The following GALNT1 variants were observed in gnomAD, a reference collection of about 807,000 sequenced individuals.
The protein encoded by GALNT1 is polypeptide N-acetylgalactosaminyltransferase 1, also known as GalNAc transferase 1.
Under a neutral mutation model 65.7 loss-of-function variants are expected in GALNT1, and 17 were observed. The ratio of observed to expected loss-of-function variants is 0.26; its 90% CI spans 0.18 to 0.39. The LOEUF (loss-of-function observed/expected upper bound fraction) is 0.39. Among genes scored for constraint, GALNT1 ranks in the 10% least tolerant of loss-of-function variants. The pLI, the probability that GALNT1 is intolerant of heterozygous loss-of-function variation, is 1.00. For synonymous variants in GALNT1, 210 were observed against 219.7 expected, an observed-to-expected ratio of 0.96 and a Z score of 0.39; for missense variants, 460 against 672.8, an observed-to-expected ratio of 0.68 and a Z score of 3.50.
intron 2 of GALNT1, among the ~76,000 whole-genome samples, chr18:35,657,042 A>G (rs1354729179): frequency 6.6e-6 from 1 of 152,090 alleles, no homozygotes; most frequent in Non-Finnish European, 1.5e-5. Context: ...AGCAGCTTTG[A>G]TGAAAAGGTG....
At chr18:35,648,134 A>AG (rs2047258941) in intron 1 of GALNT1, among the ~76,000 whole-genome samples, 1 of 115,412 alleles carries the variant, frequency 8.7e-6, no homozygotes, top group Admixed American at 1.1e-4. Context: ...GAGGGAAGGA[A>AG]GGAAGGGAGG....
intron 11 of GALNT1, 114 bp downstream of exon 11, chr18:35,703,757 T>C: frequency 3.2e-6 from 3 of 950,422 alleles, no homozygotes; most frequent in Non-Finnish European, 4.5e-6. Flanking sequence ...ATCAAACTTG[T>C]CTTATACACT....
At chr18:35,639,807 CT>C (rs2047138388) in intron 1 of GALNT1, among the ~76,000 whole-genome samples, 1 of 151,638 alleles carries the variant, frequency 6.6e-6, no homozygotes, top group Non-Finnish European at 1.5e-5. Context: ...TTTCTTTTTT[CT>C]TTTGTCAGAC....
intron 7 of GALNT1, among the ~76,000 whole-genome samples, chr18:35,690,759 T>C (rs1413063154): frequency 2.0e-5 from 3 of 152,200 alleles, no homozygotes; most frequent in African/African-American, 7.2e-5. Context: ...AAATTCCAAC[T>C]GTGGAACCCA....
intron 9 of GALNT1, among the ~76,000 whole-genome samples, chr18:35,701,193 T>C (rs2048157199): frequency 6.6e-6 from 1 of 152,118 alleles, no homozygotes; most frequent in African/African-American, 2.4e-5. Flanking sequence ...CACCTCAGCC[T>C]CCCGAATAAC....
chr18:35,693,469 A>G (rs1216721007), intron 9 of GALNT1, among the ~76,000 whole-genome samples: 2 of 152,240 alleles, frequency 1.3e-5, no homozygotes, highest in South Asian at 2.1e-4. Flanking sequence ...AATGGAAGCT[A>G]TCGAAAGATA....
At chr18:35,703,758 C>G in intron 11 of GALNT1, 115 bp downstream of exon 11, 2 of 946,342 alleles carry the variant, frequency 2.1e-6, no homozygotes, top group African/African-American at 1.7e-5. Context: ...TCAAACTTGT[C>G]TTATACACTA....
intron 11 of GALNT1, among the ~76,000 whole-genome samples, chr18:35,705,781 A>G (rs1598814044): frequency 6.6e-6 from 1 of 152,334 alleles, no homozygotes; most frequent in Non-Finnish European, 1.5e-5. Flanking sequence ...TTCTTACATA[A>G]GTCTAGAGGT....
chr18:35,694,094 T>A (rs543715267), intron 9 of GALNT1, among the ~76,000 whole-genome samples: 1 of 152,292 alleles, frequency 6.6e-6, no homozygotes, highest in South Asian at 2.1e-4. Flanking sequence ...GAATTGGTTA[T>A]TGCATTTGGC....
intron 1 of GALNT1, among the ~76,000 whole-genome samples, chr18:35,590,790 A>T (rs2046434203): frequency 1.3e-5 from 2 of 152,170 alleles, no homozygotes; most frequent in African/African-American, 2.4e-5. Flanking sequence ...CAGGGACTGT[A>T]AAAAAAGGTA....
rs1297896615 is a variant in GALNT1, at chr18:35,640,763, G to A, written c.-103-13797G>A. Among the ~76,000 whole-genome samples, 3 of 152,110 alleles carry A rather than the reference G, an allele frequency of 2.0e-5. No individual in the cohort carries two copies. In the East Asian group the frequency reaches 5.8e-4, roughly 29 times the overall value. On this transcript the variant is annotated intron_variant, in intron 1 of 11. Coordinates refer to ENST00000269195, the MANE Select transcript of GALNT1 (RefSeq NM_020474.4). ...AGATAGATCAATAGAAGAGAATATGGAAACCCAGAAACTTGGCTTGTGACA... is the reference window on the plus strand; with the variant it reads ...AGATAGATCAATAGAAGAGAATATGAAAACCCAGAAACTTGGCTTGTGACA...
chr18:35,671,680 T>TA (rs1411923248), intron 3 of GALNT1, among the ~76,000 whole-genome samples: 3 of 152,212 alleles, frequency 2.0e-5, no homozygotes, highest in African/African-American at 7.2e-5. Context: ...TTCTAATTGA[T>TA]ACAGTTTCAA....
chr18:35,681,234 T>G (rs2047782328), intron 4 of GALNT1, among the ~76,000 whole-genome samples: 1 of 152,172 alleles, frequency 6.6e-6, no homozygotes, highest in Non-Finnish European at 1.5e-5. Context: ...CCTAAGAAGA[T>G]TCTCCCTTGT....
intron 9 of GALNT1, among the ~76,000 whole-genome samples, chr18:35,696,829 ACCAGTATTTC>A (rs1415420886): frequency 2.0e-5 from 3 of 152,314 alleles, no homozygotes; most frequent in South Asian, 4.1e-4. Context: ...CTCAAATCTA[ACCAGTATTTC>A]CCTTGCAGCA....
intron 5 of GALNT1, among the ~76,000 whole-genome samples, chr18:35,684,319 C>G (rs969575290): frequency 2.6e-5 from 4 of 152,114 alleles, no homozygotes; most frequent in Non-Finnish European, 5.9e-5. Flanking sequence ...AGCATCTATT[C>G]TGTTTGATAG....
rs552182647 is a variant in GALNT1, at chr18:35,667,633, A to C, written c.314+3831A>C. Reference sequence around the variant, plus strand: ...ATTGCAGCTGGTGGATATTCTCTTAAGTCTCTTTTAGTCTGTAGGTTCCTT... The same window carrying C: ...ATTGCAGCTGGTGGATATTCTCTTACGTCTCTTTTAGTCTGTAGGTTCCTT... On this transcript the variant is annotated intron_variant, in intron 3 of 11. Coordinates refer to ENST00000269195, the MANE Select transcript of GALNT1 (RefSeq NM_020474.4). Among the ~76,000 whole-genome samples, 143 of 152,208 alleles carry C rather than the reference A, an allele frequency of 9.4e-4. 1 individual carries two copies. The highest frequency in any genetic ancestry group is 3.0e-3 in the African/African-American group (124 of 41,518).
At chr18:35,671,484 G>C (rs1017128338) in intron 3 of GALNT1, among the ~76,000 whole-genome samples, 1 of 152,128 alleles carries the variant, frequency 6.6e-6, no homozygotes, top group Non-Finnish European at 1.5e-5. Flanking sequence ...GATGACTTTT[G>C]TGTATATTAT....
At chr18:35,653,807 G>A (rs1045595735) in intron 1 of GALNT1, among the ~76,000 whole-genome samples, 1 of 152,156 alleles carries the variant, frequency 6.6e-6, no homozygotes. Flanking sequence ...AGTAGGGTGG[G>A]AAATGGAAAC....
intron 4 of GALNT1, 145 bp from the exon 5 acceptor site, chr18:35,683,246 T>C (rs1282284481): frequency 1.6e-6 from 1 of 626,322 alleles, no homozygotes; most frequent in Non-Finnish European, 2.8e-6. Flanking sequence ...AGGCTTCCTT[T>C]AGCAGAATGG....
Sources: gnomAD v4.1 joint callset for allele counts (sites outside exome capture counted in the v4.1 genomes callset) on GRCh38, gnomAD v4.1.1 for gene constraint, MANE v1.5 for transcripts, NCBI Gene and HGNC (gene_info 2026-07-23, HGNC 2026-07-21) for gene names.